The following EEF1AKMT1 variants were observed in gnomAD, a reference collection of about 807,000 sequenced individuals.
The protein encoded by EEF1AKMT1 is EEF1A lysine methyltransferase 1, also known as N-6 adenine-specific DNA methyltransferase 2 (putative).
A neutral mutation model predicts 21.0 loss-of-function variants in EEF1AKMT1; 18 were observed. The observed-to-expected ratio is 0.86, with a 90% CI of 0.59 to 1.27. The LOEUF is 1.27. EEF1AKMT1 is among the 50% of genes most tolerant of loss of function. The pLI is 0.00. For synonymous variants in EEF1AKMT1, 109 were observed against 94.8 expected (o/e 1.15, Z -0.87); for missense variants, 246 against 258.6 (o/e 0.95, Z 0.33).
intron 2 of EEF1AKMT1, among the ~76,000 whole-genome samples, chr13:20,755,903 G>A (rs1247789575): frequency 6.6e-6 from 1 of 151,984 alleles, no homozygotes; most frequent in Non-Finnish European, 1.5e-5. Flanking sequence ...AAGGAAAAAA[G>A]AAAAAGACAG....
intron 1 of EEF1AKMT1, among the ~76,000 whole-genome samples, chr13:20,759,003 C>A (rs1169478532): frequency 1.3e-5 from 2 of 152,138 alleles, no homozygotes; most frequent in African/African-American, 4.8e-5. Context: ...TACCTCTCAC[C>A]AGATAGAAAC....
chr13:20,743,445 T>A (rs2058883944), intron 2 of EEF1AKMT1, among the ~76,000 whole-genome samples: 1 of 151,198 alleles, frequency 6.6e-6, no homozygotes, highest in Non-Finnish European at 1.5e-5. Flanking sequence ...AAGATTGAAT[T>A]TTTTTTTCCA....
chr13:20,749,157 T>TA (rs1432467864), intron 2 of EEF1AKMT1, among the ~76,000 whole-genome samples: 3 of 152,258 alleles, frequency 2.0e-5, no homozygotes, highest in African/African-American at 7.2e-5. Flanking sequence ...CTAGAGTAAG[T>TA]AAATGCATGA....
chr13:20,739,267 C>A (rs1398775030), intron 2 of EEF1AKMT1, among the ~76,000 whole-genome samples: 1 of 152,170 alleles, frequency 6.6e-6, no homozygotes, highest in African/African-American at 2.4e-5. Context: ...GCAACGCAGA[C>A]CCAAACAGTG....
intron 1 of EEF1AKMT1, among the ~76,000 whole-genome samples, chr13:20,771,092 G>C (rs2059060793): frequency 6.6e-6 from 1 of 151,950 alleles, no homozygotes; most frequent in Admixed American, 6.5e-5. Context: ...GGCTGGTCCT[G>C]AACTCCTCGA....
rs1383756221 is a variant in EEF1AKMT1, at chr13:20,773,918, C to T, written c.-20+3G>A. ...TACAGCTGCGCCCGAACCCGCCACT[C>T]ACCAGCCGCGCGTGCGCAGTCGCCC... On this transcript the variant is annotated splice_donor_region_variant and intron_variant, in intron 1 of 4. Coordinates refer to ENST00000382758, the MANE Select transcript of EEF1AKMT1 (RefSeq NM_001318939.2). The T allele has an allele frequency of 4.6e-5, 7 of 152,516 alleles. No homozygotes were observed. Among genetic ancestry groups the T allele is most frequent in the Admixed American group, 1.3e-4 (2 of 15,296 alleles). The allele number at this position is 152,516 out of a possible 1,614,324, so 9.4% of individuals were successfully genotyped here.
chr13:20,749,090 A>G (rs538597073), intron 2 of EEF1AKMT1, among the ~76,000 whole-genome samples: 13 of 152,250 alleles, frequency 8.5e-5, no homozygotes, highest in African/African-American at 3.1e-4. Flanking sequence ...TTCATTATTG[A>G]GCCAAGTGGT....
At chr13:20,738,084 C>T (rs1300127864) in intron 2 of EEF1AKMT1, among the ~76,000 whole-genome samples, 1 of 152,072 alleles carries the variant, frequency 6.6e-6, no homozygotes, top group African/African-American at 2.4e-5. Flanking sequence ...ATGTTTTTCC[C>T]GATAGAACAT....
chr13:20,731,042 G>C (rs1030634066), intron 4 of EEF1AKMT1, among the ~76,000 whole-genome samples: 1 of 152,192 alleles, frequency 6.6e-6, no homozygotes, highest in African/African-American at 2.4e-5. Context: ...CCGCCTTTAA[G>C]AGCTGTAACA....
chr13:20,729,305 C>CAATTAGTTGA, intron 4 of EEF1AKMT1, 89 bp from the exon 5 acceptor site: 1 of 1,464,722 alleles, frequency 6.8e-7, no homozygotes, highest in East Asian at 2.3e-5. Flanking sequence ...TCTAGGCGGA[C>CAATTAGTTGA]CACCGGTGGC....
At chr13:20,765,405 G>GCTTTTT (rs2059023710) in intron 1 of EEF1AKMT1, among the ~76,000 whole-genome samples, 1 of 58,678 alleles carries the variant, frequency 1.7e-5, no homozygotes, top group South Asian at 8.1e-4. Context: ...CTTCCCTTGG[G>GCTTTTT]TTTTTTTTTT....
intron 1 of EEF1AKMT1, among the ~76,000 whole-genome samples, chr13:20,758,358 C>T (rs2058981937): frequency 6.6e-6 from 1 of 152,282 alleles, no homozygotes; most frequent in East Asian, 1.9e-4. Context: ...TACCTATGAC[C>T]AGGAAGCCCT....
chr13:20,729,600 T>C (rs965586735), intron 4 of EEF1AKMT1, among the ~76,000 whole-genome samples: 1 of 152,058 alleles, frequency 6.6e-6, no homozygotes, highest in Non-Finnish European at 1.5e-5. Context: ...TTCAGTAATA[T>C]CCAATCTTGC....
At chr13:20,734,443 A>C (rs1434438209) in intron 3 of EEF1AKMT1, among the ~76,000 whole-genome samples, 1 of 152,172 alleles carries the variant, frequency 6.6e-6, no homozygotes, top group African/African-American at 2.4e-5. Context: ...GTCTGTCTTT[A>C]AACTAGAGCG....
intron 2 of EEF1AKMT1, among the ~76,000 whole-genome samples, chr13:20,753,157 G>A (rs907213376): frequency 2.0e-5 from 3 of 151,858 alleles, no homozygotes; most frequent in African/African-American, 7.3e-5. Context: ...CATTGTTTCA[G>A]GAAATTTTTG....
intron 1 of EEF1AKMT1, among the ~76,000 whole-genome samples, chr13:20,759,328 G>A (rs377414313): frequency 6.6e-6 from 1 of 152,200 alleles, no homozygotes; most frequent in East Asian, 1.9e-4. Context: ...GCCTGTAATC[G>A]CAGCACTTTG....
intron 1 of EEF1AKMT1, among the ~76,000 whole-genome samples, chr13:20,769,980 AAGT>A (rs2059054963): frequency 6.6e-6 from 1 of 152,214 alleles, no homozygotes; most frequent in Non-Finnish European, 1.5e-5. Flanking sequence ...AAAGGAGACT[AAGT>A]AGAAATTCTG....
chr13:20,772,731 C>G (rs941420725), intron 1 of EEF1AKMT1, among the ~76,000 whole-genome samples: 8 of 152,130 alleles, frequency 5.3e-5, no homozygotes, highest in African/African-American at 1.9e-4. Context: ...ACAGCATGAG[C>G]AAAGGGGCGG....
intron 2 of EEF1AKMT1, among the ~76,000 whole-genome samples, chr13:20,738,533 G>A (rs1329095436): frequency 2.0e-5 from 3 of 152,204 alleles, no homozygotes; most frequent in African/African-American, 7.2e-5. Context: ...CATGGGGCAT[G>A]CCAACTGGGG....
Sources: gnomAD v4.1 joint callset for allele counts (sites outside exome capture counted in the v4.1 genomes callset) on GRCh38, gnomAD v4.1.1 for gene constraint, MANE v1.5 for transcripts, NCBI Gene and HGNC (gene_info 2026-07-23, HGNC 2026-07-21) for gene names.